Variants in CRYAB observed in about 807,000 individuals in gnomAD.
The protein encoded by CRYAB is crystallin alpha B.
CRYAB carries 9 observed loss-of-function variants against 12.7 expected under a neutral mutation model. That is an observed-to-expected ratio of 0.71 (90% CI 0.43 to 1.24). The LOEUF is 1.24. CRYAB is among the 50% of genes most tolerant of loss of function. The probability of loss-of-function intolerance (pLI) is 0.00; values close to 1 mark genes in which losing one functional copy is unlikely to be tolerated. For missense variants in CRYAB, 183 were observed against 226.6 expected, an observed-to-expected ratio of 0.81 and a Z score of 1.24; for synonymous variants, 93 against 86.8, an observed-to-expected ratio of 1.07 and a Z score of -0.40.
At chr11:111,913,459 T>C (rs146569701), upstream of CRYAB, 173 of 1,609,872 alleles carry the variant, frequency 1.1e-4, no homozygotes, top group East Asian at 3.6e-3. Context: ...CCAGAAGAGA[T>C]CCTGACCCCC....
At chr11:111,912,911 C>A, upstream of CRYAB, 2 of 1,605,598 alleles carry the variant, frequency 1.2e-6, no homozygotes, top group Non-Finnish European at 1.7e-6. Flanking sequence ...GGGTGAGCAG[C>A]GCTTCGGAGA....
At chr11:111,912,277 G>A (rs1375581836), upstream of CRYAB, 12 of 185,088 alleles carry the variant, frequency 6.5e-5, no homozygotes, top group South Asian at 1.0e-3. Context: ...CATCTGCCTC[G>A]TGCCCTGGGT....
chr11:111,913,328 C>T (rs1555165833), upstream of CRYAB: 4 of 815,688 alleles, frequency 4.9e-6, no homozygotes, highest in South Asian at 1.6e-5. Context: ...TTCCCTACTC[C>T]TCCTGACTCC....
chr11:111,909,675 T>C (rs1261939202), intron 2 of CRYAB: 2 of 205,782 alleles, frequency 9.7e-6, no homozygotes, highest in African/African-American at 4.7e-5. Flanking sequence ...ACATGGGCTG[T>C]AGGGGATTAA....
At chr11:111,918,805 A>C (rs1555166276) in intron 1 of CRYAB, 1 of 734,608 alleles carries the variant, frequency 1.4e-6, no homozygotes, top group African/African-American at 1.7e-5. Context: ...GAACACAGTC[A>C]CCTGGGAATC....
At chr11:111,910,069 C>T in intron 2 of CRYAB, 2 of 642,666 alleles carry the variant, frequency 3.1e-6, no homozygotes, top group South Asian at 1.8e-5. Context: ...TTCAGAACCA[C>T]TGGCTTAAAT....
chr11:111,922,103 A>G (rs1171621940), intron 1 of CRYAB, among the ~76,000 whole-genome samples: 1 of 152,194 alleles, frequency 6.6e-6, no homozygotes, highest in Non-Finnish European at 1.5e-5. Context: ...AAGTGTTGGC[A>G]TTACAGGCGT....
At chr11:111,922,005 G>A (rs782251821) in intron 1 of CRYAB, among the ~76,000 whole-genome samples, 1 of 152,118 alleles carries the variant, frequency 6.6e-6, no homozygotes, top group African/African-American at 2.4e-5. Flanking sequence ...GCTAATTTTT[G>A]TATTTTTAGC....
At chr11:111,909,138 GGT>G (rs1965371745) in intron 2 of CRYAB, 171 bp from the exon 3 acceptor site, 6 of 708,746 alleles carry the variant, frequency 8.5e-6, no homozygotes, top group Non-Finnish European at 1.5e-5. Flanking sequence ...AAATTGCCTA[GGT>G]AGTCACTCCT....
intron 2 of CRYAB, chr11:111,909,650 C>T (rs1373569701): frequency 9.9e-6 from 2 of 201,518 alleles, no homozygotes; most frequent in Non-Finnish European, 2.0e-5. Context: ...AACAGGCTCT[C>T]GTTAACTGAT....
chr11:111,912,067 C>CA (rs1169001969), upstream of CRYAB: 1 of 282,912 alleles, frequency 3.5e-6, no homozygotes, highest in Non-Finnish European at 6.8e-6. Context: ...CCCAAGCAGG[C>CA]ACGCGGGGTG....
At chr11:111,916,321 C>T (rs1023220928), upstream of CRYAB, among the ~76,000 whole-genome samples, 2 of 151,896 alleles carry the variant, frequency 1.3e-5, no homozygotes, top group Non-Finnish European at 2.9e-5. Flanking sequence ...ACCTCCTCCT[C>T]CTGGGCTCAA....
chr11:111,909,070 T>G, intron 2 of CRYAB, 103 bp from the exon 3 acceptor site: 1 of 1,147,980 alleles, frequency 8.7e-7, no homozygotes, highest in Non-Finnish European at 1.3e-6. Context: ...TGAGACCAAA[T>G]GCCATGACAA....
upstream of CRYAB, among the ~76,000 whole-genome samples, chr11:111,916,526 C>A (rs1202596357): frequency 6.6e-6 from 1 of 152,154 alleles, no homozygotes; most frequent in African/African-American, 2.4e-5. Context: ...CCCAGCCATG[C>A]CTTGTTCTTT....
chr11:111,908,905 G>T lies in CRYAB; in HGVS notation c.387C>A (p.Asp129Glu). The T allele has an allele frequency of 1.2e-6, 2 of 1,614,124 alleles. No homozygotes were observed. Among genetic ancestry groups the T allele is most frequent in the Non-Finnish European group, 1.7e-6 (2 of 1,180,036 alleles). ...ACAGGGATGAAGTAATGGTGAGAGG[G>T]TCTACATCAGCTGGGATCCGGTATT... is the stretch of plus-strand genomic sequence containing the variant. ...HRKYRIPADV[D>E]PLTITSSLSS... Residue 129 changes from aspartate to glutamate, a missense_variant, in exon 3 of 3, where the codon GAC (aspartate) becomes GAA (glutamate). Asp to Glu is a conservative substitution (Grantham distance 45, BLOSUM62 2). This residue lies in a region of CRYAB where 95 missense variants were observed against 112.5 expected (regional missense o/e 0.84). Transcript: ENST00000650687.
At chr11:111,913,734 T>TG, upstream of CRYAB, 2 of 1,614,054 alleles carry the variant, frequency 1.2e-6, no homozygotes, top group Non-Finnish European at 1.7e-6. Context: ...TGTCGACCCC[T>TG]GGCGAGTCCG....
intron 1 of CRYAB, among the ~76,000 whole-genome samples, chr11:111,923,373 C>T (rs1170219952): frequency 6.6e-6 from 1 of 152,156 alleles, no homozygotes; most frequent in Non-Finnish European, 1.5e-5. Flanking sequence ...GACTTTTTCC[C>T]CACAGTAGTC....
chr11:111,909,566 T>C (rs1260616055), intron 2 of CRYAB, among the ~76,000 whole-genome samples: 3 of 152,134 alleles, frequency 2.0e-5, no homozygotes, highest in African/African-American at 7.2e-5. Flanking sequence ...AACAAGCTGT[T>C]CCATTTGTCA....
chr11:111,912,991 C>A, upstream of CRYAB: 1 of 1,232,522 alleles, frequency 8.1e-7, no homozygotes, highest in Admixed American at 2.0e-5. Context: ...GACCTCCCAA[C>A]GTTGCTGGCC....
Sources: gnomAD v4.1 joint callset for allele counts (sites outside exome capture counted in the v4.1 genomes callset) on GRCh38, gnomAD v4.1.1 for gene constraint, gnomAD v4.1.1 regional missense constraint, MANE v1.5 for transcripts, NCBI Gene and HGNC (gene_info 2026-07-23, HGNC 2026-07-21) for gene names.